HOMER1: variants seen among roughly 807,000 people sequenced by gnomAD.
The protein encoded by HOMER1 is homer scaffold protein 1.
HOMER1 carries 3 observed loss-of-function variants against 48.9 expected under a neutral mutation model. That is an observed-to-expected ratio of 0.06 (90% CI 0.03 to 0.16). The LOEUF (loss-of-function observed/expected upper bound fraction) is 0.16, where lower values mean the gene tolerates loss of function less well. Among genes scored for constraint, HOMER1 ranks in the 10% least tolerant of loss-of-function variants. HOMER1 has a pLI of 1.00. For missense variants in HOMER1, 247 were observed against 411.4 expected (o/e 0.60, Z 3.46); for synonymous variants, 134 against 146.4 (o/e 0.92, Z 0.61).
rs1336735715 is a variant in HOMER1 at position 79,379,104 on chromosome 5, ATATATATAT to A, written c.877-2916_877-2908del. Among the ~76,000 whole-genome samples, 13 of 59,348 alleles carry A rather than the reference ATATATATAT, an allele frequency of 2.2e-4. 1 individual carries two copies. The highest frequency in any genetic ancestry group is 1.3e-3 in the African/African-American group (12 of 9,234). The allele number at this position is 59,348 out of a possible 152,430, so 38.9% of individuals were successfully genotyped here. A position where few individuals can be genotyped will look rare whatever the true frequency, so the allele number is the denominator to read the frequency against. ...CATATATATATATATATATATATATATATATATATAAAATATATAAATATTTATTTATAT... is the reference window on the plus strand; with the variant it reads ...CATATATATATATATATATATATATAAAAATATATAAATATTTATTTATAT... On this transcript the variant is annotated intron_variant, in intron 8 of 8. Coordinates refer to ENST00000334082, the MANE Select transcript of HOMER1 (RefSeq NM_004272.5).
At chr5:79,406,526 G>C (rs983931307) in intron 5 of HOMER1, among the ~76,000 whole-genome samples, 4 of 152,168 alleles carry the variant, frequency 2.6e-5, no homozygotes, top group African/African-American at 9.7e-5. Flanking sequence ...GAGAGGCAGA[G>C]AGAGAGACTA....
In HOMER1 at chr5:79,428,902, A is replaced by T. The variant is rs371314517; in HGVS notation, c.527+10108T>A. Among the ~76,000 whole-genome samples the T allele has an allele frequency of 5.9e-5, 9 of 152,330 alleles. No homozygotes were observed. The East Asian group carries it at 1.4e-3, about 23-fold the overall frequency. ...TTCAATACAATACAATCCTTATCAG[A>T]ATCCCAACTGGTTTCATTGAAGAAA... On this transcript the variant is annotated intron_variant, in intron 5 of 8. Coordinates refer to ENST00000334082, the MANE Select transcript of HOMER1 (RefSeq NM_004272.5).
intron 2 of HOMER1, among the ~76,000 whole-genome samples, chr5:79,451,515 A>G (rs571392350): frequency 7.3e-4 from 110 of 151,612 alleles, no homozygotes; most frequent in Non-Finnish European, 1.4e-3. Flanking sequence ...CACCCTCCAA[A>G]GAATCTTTCA....
intron 7 of HOMER1, 21 bp downstream of exon 7, chr5:79,397,506 T>C (rs1313463369): frequency 4.7e-6 from 6 of 1,273,194 alleles, no homozygotes; most frequent in African/African-American, 1.5e-5. Context: ...AGATTACAGA[T>C]GAGTAAAAAG....
intron 1 of HOMER1, among the ~76,000 whole-genome samples, chr5:79,502,836 G>GTCGGA (rs1254668093): frequency 6.6e-6 from 1 of 152,170 alleles, no homozygotes; most frequent in Non-Finnish European, 1.5e-5. Flanking sequence ...TGTCGCCCAG[G>GTCGGA]CTGGAGTGCA....
chr5:79,406,700 T>C (rs1253814803), intron 5 of HOMER1, among the ~76,000 whole-genome samples: 1 of 152,194 alleles, frequency 6.6e-6, no homozygotes, highest in African/African-American at 2.4e-5. Context: ...GAAGACCTGT[T>C]ATGGCTGGGG....
intron 8 of HOMER1, 37 bp from the exon 9 acceptor site, chr5:79,376,234 T>A: frequency 6.8e-7 from 1 of 1,460,550 alleles, no homozygotes; most frequent in Non-Finnish European, 9.5e-7. Context: ...TATATGTCAA[T>A]TCATCACTTA....
intron 1 of HOMER1, among the ~76,000 whole-genome samples, chr5:79,478,949 C>CA (rs146014773): frequency 0.079 from 11,913 of 151,696 alleles, 1,042 homozygotes; most frequent in East Asian, 0.24. Context: ...GAGACTCCGT[C>CA]AAAAAAAGAA....
At chr5:79,422,388 A>G (rs1750125953) in intron 5 of HOMER1, among the ~76,000 whole-genome samples, 2 of 152,196 alleles carry the variant, frequency 1.3e-5, no homozygotes, top group South Asian at 4.1e-4. Context: ...ATAGTGAATC[A>G]ATATTGTTAA....
intron 8 of HOMER1, among the ~76,000 whole-genome samples, chr5:79,393,938 G>C (rs10079086): frequency 0.4 from 60,021 of 151,738 alleles, 12,688 homozygotes; most frequent in East Asian, 0.54. Context: ...ACCAACACTG[G>C]GACAAGGAAA....
At chr5:79,379,242 TTATA>T (rs1198245362) in intron 8 of HOMER1, among the ~76,000 whole-genome samples, 1 of 65,522 alleles carries the variant, frequency 1.5e-5, no homozygotes, top group Non-Finnish European at 2.8e-5. Flanking sequence ...ATATTATATA[TTATA>T]TATATCTATT....
intron 5 of HOMER1, among the ~76,000 whole-genome samples, chr5:79,404,863 T>TG (rs1749623877): frequency 8.6e-6 from 1 of 116,882 alleles, no homozygotes; most frequent in Non-Finnish European, 1.7e-5. Flanking sequence ...CACGCCCAGC[T>TG]ATTTTTTTTT....
Position 79,375,283 on chromosome 5 carries a change from T to C in HOMER1, c.*726A>G, listed in dbSNP as rs921366724. 6.6e-6 allele frequency: 1 copy of C among 152,030 alleles called. No individual in the cohort carries two copies. The highest frequency in any genetic ancestry group is 2.4e-5 in the African/African-American group (1 of 41,416). 9.4% of individuals were successfully genotyped at this position (152,030 alleles called of 1,614,324 possible). A position where few individuals can be genotyped will look rare whatever the true frequency, so the allele number is the denominator to read the frequency against. ...CTTCGTTAGTTGGCTTTAAAATGTG[T>C]AATAAAATGGGAGACAATATCTTCT... On this transcript the variant is annotated 3_prime_UTR_variant, in exon 9 of 9. Coordinates refer to ENST00000334082, the MANE Select transcript of HOMER1 (RefSeq NM_004272.5).
intron 8 of HOMER1, among the ~76,000 whole-genome samples, chr5:79,392,729 A>T (rs79867959): frequency 0.031 from 4,725 of 152,062 alleles, 220 homozygotes; most frequent in African/African-American, 0.11. Flanking sequence ...CTCACCACTC[A>T]CTCACTGACC....
chr5:79,398,333 GCA>G (rs1434521419), intron 6 of HOMER1, among the ~76,000 whole-genome samples: 1 of 129,032 alleles, frequency 7.8e-6, no homozygotes, highest in South Asian at 2.6e-4. Context: ...ACACACACAT[GCA>G]CACACACACC....
chr5:79,411,265 G>C (rs543612894), intron 5 of HOMER1, among the ~76,000 whole-genome samples: 1 of 152,078 alleles, frequency 6.6e-6, no homozygotes, highest in African/African-American at 2.4e-5. Context: ...AGGGCAGATC[G>C]CTTGAGCTCA....
At chr5:79,481,490 T>G (rs1248037907) in intron 1 of HOMER1, among the ~76,000 whole-genome samples, 1 of 152,090 alleles carries the variant, frequency 6.6e-6, no homozygotes, top group Non-Finnish European at 1.5e-5. Flanking sequence ...GTTGAAAATT[T>G]GGAGAGGTAA....
intron 1 of HOMER1, among the ~76,000 whole-genome samples, chr5:79,509,731 T>G (rs1230721160): frequency 6.6e-6 from 1 of 152,228 alleles, no homozygotes; most frequent in East Asian, 1.9e-4. Flanking sequence ...AAAAAGTTCA[T>G]AAACTACTAT....
chr5:79,490,991 A>G (rs527858798), intron 1 of HOMER1, among the ~76,000 whole-genome samples: 1 of 149,620 alleles, frequency 6.7e-6, no homozygotes, highest in Admixed American at 6.8e-5. Flanking sequence ...AAGGGAAAAA[A>G]AGGAAAAAAA....
Sources: gnomAD v4.1 joint callset for allele counts (sites outside exome capture counted in the v4.1 genomes callset) on GRCh38, gnomAD v4.1.1 for gene constraint, MANE v1.5 for transcripts, NCBI Gene and HGNC (gene_info 2026-07-23, HGNC 2026-07-21) for gene names.